The following FRMD4B variants were observed in gnomAD, a reference collection of about 807,000 sequenced individuals.
FRMD4B encodes the protein FERM domain containing 4B.
A neutral mutation model predicts 141.5 loss-of-function variants in FRMD4B; 74 were observed. The observed-to-expected ratio is 0.52, with a 90% CI of 0.43 to 0.63. The LOEUF (loss-of-function observed/expected upper bound fraction) is 0.63. FRMD4B is among the 30% of genes least tolerant of loss of function. The pLI is 0.00. For missense variants in FRMD4B, 1,366 were observed against 1,253.4 expected (o/e 1.09, Z -1.36); for synonymous variants, 506 against 467.9 (o/e 1.08, Z -1.05).
intron 2 of FRMD4B, among the ~76,000 whole-genome samples, chr3:69,396,743 T>C (rs1391707209): frequency 3.9e-5 from 6 of 152,168 alleles, no homozygotes; most frequent in Admixed American, 3.9e-4. Context: ...ACATTACTAG[T>C]GGGAATGTAA....
At chr3:69,254,817 A>T (rs9842177) in intron 5 of FRMD4B, among the ~76,000 whole-genome samples, 38,809 of 151,980 alleles carry the variant, frequency 0.26, 5,248 homozygotes, top group East Asian at 0.49. Flanking sequence ...TTAGCTCTCA[A>T]GAGATGGTAC....
chr3:69,512,456 T>C (rs1367350555), intron 1 of FRMD4B, among the ~76,000 whole-genome samples: 4 of 152,204 alleles, frequency 2.6e-5, no homozygotes, highest in Admixed American at 2.6e-4. Context: ...AATGGTTTAA[T>C]TGAAATAAAT....
At chr3:69,322,179 G>C (rs751254348) in intron 1 of FRMD4B, among the ~76,000 whole-genome samples, 7 of 152,196 alleles carry the variant, frequency 4.6e-5, no homozygotes, top group Non-Finnish European at 7.3e-5. Flanking sequence ...TGGAGAGCGG[G>C]AGAAGGATGT....
intron 1 of FRMD4B, among the ~76,000 whole-genome samples, chr3:69,381,737 T>C (rs1362845485): frequency 6.6e-6 from 1 of 152,220 alleles, no homozygotes; most frequent in African/African-American, 2.4e-5. Context: ...ATTTGAGCAT[T>C]AATCTTTGTA....
At chr3:69,363,156 T>C (rs1381392848) in intron 1 of FRMD4B, among the ~76,000 whole-genome samples, 2 of 151,962 alleles carry the variant, frequency 1.3e-5, no homozygotes, top group Non-Finnish European at 2.9e-5. Flanking sequence ...CCATTCTTCT[T>C]ACGTAACATT....
At chr3:69,414,747 C>T (rs372665254) in intron 2 of FRMD4B, among the ~76,000 whole-genome samples, 14 of 152,212 alleles carry the variant, frequency 9.2e-5, no homozygotes, top group African/African-American at 3.1e-4. Flanking sequence ...CAGGTAACTG[C>T]GTAGGGCGTA....
chr3:69,477,511 G>A (rs2106967516), intron 1 of FRMD4B, among the ~76,000 whole-genome samples: 1 of 151,734 alleles, frequency 6.6e-6, no homozygotes, highest in Middle Eastern at 3.4e-3. Context: ...TACGTTTATT[G>A]ATTTGCATAT....
chr3:69,215,451 C>G (rs1370616577), intron 11 of FRMD4B, among the ~76,000 whole-genome samples: 1 of 151,604 alleles, frequency 6.6e-6, no homozygotes, highest in Non-Finnish European at 1.5e-5. Context: ...TGCCACTACA[C>G]GTGGCTAATT....
At chr3:69,245,664 CTTTTT>C (rs71115668) in intron 7 of FRMD4B, among the ~76,000 whole-genome samples, 1 of 102,470 alleles carries the variant, frequency 9.8e-6, no homozygotes, top group Non-Finnish European at 2.1e-5. Context: ...ATTTTCTTTT[CTTTTT>C]TTTTTTTTTT....
intron 5 of FRMD4B, among the ~76,000 whole-genome samples, chr3:69,264,066 G>A (rs745404720): frequency 3.3e-5 from 5 of 151,144 alleles, no homozygotes; most frequent in South Asian, 2.1e-4. Flanking sequence ...CAAGTGATCC[G>A]CCCACCTTGG....
intron 4 of FRMD4B, among the ~76,000 whole-genome samples, chr3:69,288,862 G>C (rs1234738851): frequency 7.9e-5 from 12 of 152,166 alleles, no homozygotes; most frequent in Non-Finnish European, 1.6e-4. Flanking sequence ...GAGTGCTTGA[G>C]CCTTTGCTTC....
intron 2 of FRMD4B, among the ~76,000 whole-genome samples, chr3:69,430,816 C>T (rs558130238): frequency 1.3e-5 from 2 of 152,282 alleles, no homozygotes; most frequent in Admixed American, 6.5e-5. Context: ...AAGTTCAGCA[C>T]CTATCAGACT....
At chr3:69,521,385 T>C (rs1354072510) in intron 1 of FRMD4B, among the ~76,000 whole-genome samples, 2 of 152,332 alleles carry the variant, frequency 1.3e-5, no homozygotes, top group African/African-American at 4.8e-5. Context: ...TCTTTCTTAA[T>C]TGATTTCTCC....
chr3:69,273,238 A>G (rs1337607941), intron 5 of FRMD4B, among the ~76,000 whole-genome samples: 2 of 152,174 alleles, frequency 1.3e-5, no homozygotes, highest in African/African-American at 4.8e-5. Flanking sequence ...CCTGGAGGCA[A>G]TCAAAATTTG....
chr3:69,220,710 G>C (rs2093185525), intron 9 of FRMD4B, among the ~76,000 whole-genome samples: 1 of 152,074 alleles, frequency 6.6e-6, no homozygotes, highest in Non-Finnish European at 1.5e-5. Context: ...AAATTAGCTG[G>C]GCATGGTGGC....
intron 1 of FRMD4B, among the ~76,000 whole-genome samples, chr3:69,485,961 T>C (rs907117460): frequency 1.3e-5 from 2 of 152,398 alleles, no homozygotes; most frequent in Non-Finnish European, 2.9e-5. Context: ...TACATGCAGA[T>C]ATATGTATTC....
intron 1 of FRMD4B, among the ~76,000 whole-genome samples, chr3:69,500,357 C>T (rs1706472581): frequency 6.6e-6 from 1 of 152,106 alleles, no homozygotes; most frequent in Admixed American, 6.5e-5. Flanking sequence ...GCGGAGGATC[C>T]CTAGGATATA....
chr3:69,421,439 T>G (rs1186571427), intron 2 of FRMD4B, among the ~76,000 whole-genome samples: 7 of 152,218 alleles, frequency 4.6e-5, no homozygotes, highest in Non-Finnish European at 1.0e-4. Flanking sequence ...CAGTGGGGAC[T>G]GGAGAGCACA....
intron 1 of FRMD4B, among the ~76,000 whole-genome samples, chr3:69,492,370 C>T (rs1706313556): frequency 6.6e-6 from 1 of 152,156 alleles, no homozygotes; most frequent in Non-Finnish European, 1.5e-5. Context: ...AAGTGTTAGT[C>T]CCCTTTACAC....
Sources: gnomAD v4.1 joint callset for allele counts (sites outside exome capture counted in the v4.1 genomes callset) on GRCh38, gnomAD v4.1.1 for gene constraint, MANE v1.5 for transcripts, NCBI Gene and HGNC (gene_info 2026-07-23, HGNC 2026-07-21) for gene names.